Variants in ADCY10 observed in about 807,000 individuals in gnomAD.
ADCY10 encodes the protein adenylate cyclase type 10.
In ADCY10, 156 loss-of-function variants were observed where a neutral mutation model predicts 183.3. The ratio of observed to expected loss-of-function variants is 0.85; its 90% CI spans 0.75 to 0.97. The LOEUF (loss-of-function observed/expected upper bound fraction) is 0.97, where lower values mean the gene tolerates loss of function less well. ADCY10 is among the 50% of genes least tolerant of loss of function. ADCY10 has a pLI of 0.00. For missense variants in ADCY10, 1,745 were observed against 1,934.3 expected (o/e 0.90, Z 1.84); for synonymous variants, 645 against 670.0 (o/e 0.96, Z 0.58).
chr1:167,872,475 A>G (rs767972525), intron 13 of ADCY10, among the ~76,000 whole-genome samples: 2 of 152,068 alleles, frequency 1.3e-5, no homozygotes, highest in African/African-American at 2.4e-5. Flanking sequence ...GGATTCTAAA[A>G]TGAGATTGTC....
At chr1:167,820,190 G>C in intron 30 of ADCY10, 1 of 1,537,270 alleles carries the variant, frequency 6.5e-7, no homozygotes, top group African/African-American at 1.4e-5. Context: ...GGCGGCCGCA[G>C]CTCCCGAGGC....
In ADCY10 at chr1:167,833,819, G is replaced by GA. The variant is rs1385777691; in HGVS notation, c.3417+150_3417+151insT. 9.0e-6 allele frequency: 6 copies of GA among 663,178 alleles called. No homozygotes were observed. In the East Asian group the frequency reaches 1.6e-4, roughly 18 times the overall value. 41.1% of individuals were successfully genotyped at this position (663,178 alleles called of 1,614,324 possible). A position where few individuals can be genotyped will look rare whatever the true frequency, so the allele number is the denominator to read the frequency against. On this transcript the variant is annotated intron_variant, in intron 24 of 32. Coordinates refer to ENST00000367851, the MANE Select transcript of ADCY10 (RefSeq NM_018417.6). ...GCTGGTAAGCCATGGTGAGGAGGTTGGAGCCCAGGGATTTGAGTTTCTAGA... is the reference window on the plus strand; with the variant it reads ...GCTGGTAAGCCATGGTGAGGAGGTTGAGAGCCCAGGGATTTGAGTTTCTAGA...
Position 167,829,277 on chromosome 1 carries a change from T to A in ADCY10, c.3740A>T (p.Asn1247Ile). 1 of 1,613,998 alleles carries A rather than the reference T, an allele frequency of 6.2e-7. No individual in the cohort carries two copies. The highest frequency in any genetic ancestry group is 8.5e-7 in the Non-Finnish European group (1 of 1,179,900). Reference protein sequence around the residue: ...MQMNTALETQNCFQIIKAYLD... With the variant: ...MQMNTALETQICFQIIKAYLD... ...ACAAAAATCCCCTACCTGGAAACAA[T>A]TTTGAGTTTCCAGTGCAGTATTCAT... The change falls in exon 26 of 33, where the codon AAT becomes ATT. Residue 1247 changes from asparagine (N) to isoleucine (I), a missense_variant. Asn to Ile is a moderately radical substitution (Grantham distance 149, BLOSUM62 -3). Transcript: ENST00000367851.
intron 21 of ADCY10, among the ~76,000 whole-genome samples, chr1:167,840,255 A>G (rs996505251): frequency 2.0e-5 from 3 of 151,884 alleles, no homozygotes; most frequent in African/African-American, 7.3e-5. Context: ...GGTAATGGTG[A>G]TAGAATGGGA....
intron 1 of ADCY10, among the ~76,000 whole-genome samples, chr1:167,907,463 A>G (rs1026069513): frequency 6.6e-6 from 1 of 152,200 alleles, no homozygotes; most frequent in African/African-American, 2.4e-5. Flanking sequence ...TCTGGTTGTC[A>G]AGGTAGTGGG....
At chr1:167,826,707 A>G (rs1571229810) in intron 26 of ADCY10, among the ~76,000 whole-genome samples, 1 of 152,246 alleles carries the variant, frequency 6.6e-6, no homozygotes, top group East Asian at 1.9e-4. Flanking sequence ...CAAGGGATTT[A>G]CACACTGGTA....
intron 14 of ADCY10, among the ~76,000 whole-genome samples, chr1:167,864,647 T>C (rs1003337769): frequency 6.6e-6 from 1 of 151,702 alleles, no homozygotes; most frequent in Non-Finnish European, 1.5e-5. Context: ...TAGAGAGAAA[T>C]ATCCAAGTAG....
At chr1:167,885,029 T>G (rs577580665) in intron 8 of ADCY10, among the ~76,000 whole-genome samples, 1 of 152,322 alleles carries the variant, frequency 6.6e-6, no homozygotes, top group East Asian at 1.9e-4. Context: ...CACAAATAAG[T>G]GAGAACATGT....
In ADCY10 at chr1:167,824,527, C is replaced by T. The variant is rs1439048189; in HGVS notation, c.4001G>A (p.Arg1334Gln). The part of the protein sequence containing the change: ...QMWALLQNPN[R>Q]HYQSLCRLSR... The stretch of plus-strand genomic sequence containing the variant: ...AAGTCTGCAGAGGGACTGATAATGT[C>T]GGTTGGGATTCTGGAGCAGTGCCCA... The change falls in exon 28 of 33, where the codon CGA (arginine) becomes CAA (glutamine). Residue 1334 changes from arginine (R) to glutamine (Q), a missense_variant. Physicochemically the swap from Arg to Gln is conservative, Grantham distance 43. Coordinates refer to ENST00000367851, the MANE Select transcript of ADCY10 (RefSeq NM_018417.6). The T allele has an allele frequency of 6.2e-6, 10 of 1,614,094 alleles. No individual in the cohort carries two copies. The highest frequency in any genetic ancestry group is 4.4e-5 in the South Asian group (4 of 91,052).
intron 24 of ADCY10, 87 bp downstream of exon 24, chr1:167,833,883 G>A: frequency 2.0e-6 from 2 of 1,011,296 alleles, no homozygotes; most frequent in Non-Finnish European, 1.5e-6. Context: ...TGGGAGGAGG[G>A]TGTAGAAAGT....
chr1:167,826,439 C>T (rs1000029623), intron 26 of ADCY10, among the ~76,000 whole-genome samples: 1 of 152,224 alleles, frequency 6.6e-6, no homozygotes, highest in Non-Finnish European at 1.5e-5. Context: ...TTTCCATTCT[C>T]CCATGCTGAG....
Position 167,809,673 on chromosome 1 carries a change from A to T in ADCY10, c.*5T>A. 1 of 1,614,012 alleles carries T rather than the reference A, an allele frequency of 6.2e-7. No homozygotes were observed. The highest frequency in any genetic ancestry group is 8.5e-7 in the Non-Finnish European group (1 of 1,179,892). ...TGCTTATTAAAATCTTTTTTCTTTG[A>T]CATGTTAGAAATGATTGTCCACGGT... On this transcript the variant is annotated 3_prime_UTR_variant, in exon 33 of 33. Transcript: ENST00000367851.
chr1:167,827,417 C>T (rs566061225), intron 26 of ADCY10, among the ~76,000 whole-genome samples: 1 of 151,500 alleles, frequency 6.6e-6, no homozygotes, highest in Non-Finnish European at 1.5e-5. Flanking sequence ...CCGCCCACCT[C>T]GGCCTCCCAA....
chr1:167,880,267 A>G, intron 10 of ADCY10, 76 bp from the exon 11 acceptor site: 1 of 1,348,636 alleles, frequency 7.4e-7, no homozygotes, highest in South Asian at 1.2e-5. Context: ...AGGGTGGGAA[A>G]TAATGTCTGG....
chr1:167,860,109 G>A (rs982570673), intron 15 of ADCY10, among the ~76,000 whole-genome samples: 1 of 152,100 alleles, frequency 6.6e-6, no homozygotes, highest in Non-Finnish European at 1.5e-5. Context: ...TGATTCAGGT[G>A]CATTACATTT....
At position 167,814,608 on chromosome 1, in the gene ADCY10, AC is replaced by A. The variant is rs553110524; in HGVS notation, c.4482+3463del. Among the ~76,000 whole-genome samples the A allele has an allele frequency of 1.5e-3, 226 of 152,306 alleles. 2 individuals carry two copies. Among genetic ancestry groups the A allele is most frequent in the African/African-American group, 5.3e-3 (222 of 41,574 alleles). On this transcript the variant is annotated intron_variant, in intron 31 of 32. Transcript: ENST00000367851. Reference sequence around the variant, plus strand: ...AGTCAATAATGGATAGAACAATTATACAAAAGATAAGACACAGAGGACTTAG... The same window carrying A: ...AGTCAATAATGGATAGAACAATTATAAAAAGATAAGACACAGAGGACTTAG...
intron 30 of ADCY10, 36 bp from the exon 31 acceptor site, chr1:167,818,303 C>A: frequency 6.3e-7 from 1 of 1,578,748 alleles, no homozygotes; most frequent in Non-Finnish European, 8.7e-7. Flanking sequence ...AAATCAGTAT[C>A]ACCCATTAGG....
rs1553268722 is a variant in ADCY10, at chr1:167,854,423, A to G, written c.2238T>C (p.His746=). ...TTTGTTGGAAAACGAGTACCTCATG[A>G]TGTTCCAGGTTTTTAAGCAATTCTT... The part of the protein sequence containing the change: ...YCEELLKNLE[H]HEVLVFQQTE... Residue 746 remains histidine, a synonymous_variant, in exon 18 of 33, where the codon CAT becomes CAC. Coordinates refer to ENST00000367851, the MANE Select transcript of ADCY10 (RefSeq NM_018417.6). 12 of 1,614,184 alleles carry G rather than the reference A, an allele frequency of 7.4e-6. No individual in the cohort carries two copies. In the South Asian group the frequency reaches 1.3e-4, roughly 18 times the overall value.
At chr1:167,840,955 TTTTG>T (rs1196124206) in intron 21 of ADCY10, among the ~76,000 whole-genome samples, 2 of 120,984 alleles carry the variant, frequency 1.7e-5, no homozygotes, top group Non-Finnish European at 3.1e-5. Flanking sequence ...TTTTTTTTTT[TTTTG>T]AGACAGGGCC....
Sources: gnomAD v4.1 joint callset for allele counts (sites outside exome capture counted in the v4.1 genomes callset) on GRCh38, gnomAD v4.1.1 for gene constraint, MANE v1.5 for transcripts, NCBI Gene and HGNC (gene_info 2026-07-23, HGNC 2026-07-21) for gene names.